CADPS: variants seen among roughly 807,000 people sequenced by gnomAD.
The protein encoded by CADPS is calcium-dependent secretion activator 1.
A neutral mutation model predicts 167.3 loss-of-function variants in CADPS; 57 were observed. The ratio of observed to expected loss-of-function variants is 0.34; its 90% confidence interval spans 0.28 to 0.42. The LOEUF (loss-of-function observed/expected upper bound fraction) is 0.42. Among genes scored for constraint, CADPS ranks in the 20% least tolerant of loss-of-function variants. The probability of loss-of-function intolerance (pLI) is 1.00; values close to 1 mark genes in which losing one functional copy is unlikely to be tolerated. For missense variants in CADPS, 1,414 were observed against 1,738.1 expected (o/e 0.81, Z 3.32); for synonymous variants, 676 against 635.3 (o/e 1.06, Z -0.96).
intron 6 of CADPS, among the ~76,000 whole-genome samples, chr3:62,603,491 C>T (rs183394706): frequency 2.2e-4 from 34 of 152,288 alleles, no homozygotes; most frequent in Admixed American, 7.2e-4. Context: ...ATAATGTATA[C>T]CACACTTTAT....
intron 19 of CADPS, 138 bp downstream of exon 19, chr3:62,493,507 A>C (rs2064092043): frequency 3.4e-6 from 2 of 587,038 alleles, no homozygotes; most frequent in African/African-American, 3.9e-5. Flanking sequence ...ATTATGGAAA[A>C]ATTCCATAAA....
intron 21 of CADPS, among the ~76,000 whole-genome samples, chr3:62,484,618 C>T (rs144513106): frequency 6.6e-5 from 10 of 152,200 alleles, no homozygotes; most frequent in Middle Eastern, 6.8e-3. Flanking sequence ...AGTGCCCATC[C>T]GTGGATGGTT....
Position 62,763,056 on chromosome 3 carries a change from C to T in CADPS, c.555+2815G>A, listed in dbSNP as rs565865406. On this transcript the variant is annotated intron_variant, in intron 2 of 29. Coordinates refer to ENST00000383710, the MANE Select transcript of CADPS (RefSeq NM_003716.4). Reference sequence around the variant, plus strand: ...CCCGTTTTGGTAAAAAGCAGCCTAACGGTTTATTAAGAAACCATTACATTC... The same window carrying T: ...CCCGTTTTGGTAAAAAGCAGCCTAATGGTTTATTAAGAAACCATTACATTC... Among the ~76,000 whole-genome samples, 153 of 152,272 alleles carry T rather than the reference C, an allele frequency of 1.0e-3. 2 individuals carry two copies. The highest frequency in any genetic ancestry group is 3.4e-3 in the African/African-American group (141 of 41,554).
chr3:62,694,964 G>A (rs989684150), intron 3 of CADPS, among the ~76,000 whole-genome samples: 1 of 152,062 alleles, frequency 6.6e-6, no homozygotes, highest in Non-Finnish European at 1.5e-5. Flanking sequence ...GTGGAAGTGG[G>A]AAGGTCTGCT....
chr3:62,798,637 G>A (rs528911351), intron 1 of CADPS, among the ~76,000 whole-genome samples: 1 of 152,056 alleles, frequency 6.6e-6, no homozygotes, highest in South Asian at 2.1e-4. Flanking sequence ...CAAACAGGGA[G>A]ATGAATTTTC....
Position 62,466,404 on chromosome 3 carries a change from G to T in CADPS, c.3487C>A (p.His1163Asn). Residue 1163 changes from histidine to asparagine, a missense_variant, in exon 25 of 30, where the codon CAT becomes AAT. Physicochemically the swap from His to Asn is moderately conservative, Grantham distance 68. Around this residue, in one of 6 missense-constraint regions of CADPS, gnomAD observed 185 missense variants for 251.5 expected, o/e 0.74. Transcript: ENST00000383710. Reference sequence around the variant, plus strand: ...TCAATTAGTTCGTCTATTTTTGAATGGTATTGATGCTAAGAACACAGAAAG... The same window carrying T: ...TCAATTAGTTCGTCTATTTTTGAATTGTATTGATGCTAAGAACACAGAAAG... ...SMEMGQEHQY[H>N]SKIDELIEET... 6.2e-7 allele frequency: 1 copy of T among 1,603,474 alleles called. No individual in the cohort carries two copies. Among genetic ancestry groups the T allele is most frequent in the Non-Finnish European group, 8.5e-7 (1 of 1,170,816 alleles).
In CADPS at chr3:62,435,763, A is replaced by G. The variant is rs551831856; in HGVS notation, c.3777+2341T>C. 3.8e-4 allele frequency among the ~76,000 whole-genome samples: 58 copies of G among 152,024 alleles called. No individual in the cohort carries two copies. The South Asian group carries it at 0.011, about 28-fold the overall frequency. ...ATATACTCAGGAGGGTATAACTAAGACTCCGTTGGGAAAACCAAATTGGGA... is the reference window on the plus strand; with the variant it reads ...ATATACTCAGGAGGGTATAACTAAGGCTCCGTTGGGAAAACCAAATTGGGA... On this transcript the variant is annotated intron_variant, in intron 28 of 29. Coordinates refer to ENST00000383710, the MANE Select transcript of CADPS (RefSeq NM_003716.4).
chr3:62,859,291 AC>A (rs2080308862), intron 1 of CADPS, among the ~76,000 whole-genome samples: 1 of 152,194 alleles, frequency 6.6e-6, no homozygotes. Context: ...GCTGCAGCAG[AC>A]TTGTATTTCT....
At chr3:62,849,295 C>T (rs1164961692) in intron 1 of CADPS, among the ~76,000 whole-genome samples, 1 of 147,320 alleles carries the variant, frequency 6.8e-6, no homozygotes, top group Non-Finnish European at 1.5e-5. Context: ...TTGCCCTGGC[C>T]AGAACTTCCA....
chr3:62,463,678 A>C (rs2059632014), intron 26 of CADPS, among the ~76,000 whole-genome samples: 1 of 152,204 alleles, frequency 6.6e-6, no homozygotes, highest in Non-Finnish European at 1.5e-5. Flanking sequence ...GACCTCAGAC[A>C]AATCACTCCC....
intron 13 of CADPS, among the ~76,000 whole-genome samples, chr3:62,519,792 ATT>A (rs200056343): frequency 6.7e-6 from 1 of 148,160 alleles, no homozygotes; most frequent in African/African-American, 2.5e-5. Flanking sequence ...ACAAAAACAA[ATT>A]TTTTTTTTTT....
chr3:62,654,991 C>T (rs1371336191), intron 4 of CADPS, among the ~76,000 whole-genome samples: 1 of 152,048 alleles, frequency 6.6e-6, no homozygotes, highest in African/African-American at 2.4e-5. Context: ...TTTTAGGAGG[C>T]CCGGTGGTTA....
intron 1 of CADPS, among the ~76,000 whole-genome samples, chr3:62,815,843 A>G (rs1447813162): frequency 6.6e-6 from 1 of 152,086 alleles, no homozygotes; most frequent in Admixed American, 6.6e-5. Context: ...TCTCTTCTTC[A>G]AGCAAATTTA....
intron 3 of CADPS, among the ~76,000 whole-genome samples, chr3:62,697,139 G>C (rs1398743475): frequency 6.6e-6 from 1 of 152,032 alleles, no homozygotes; most frequent in Non-Finnish European, 1.5e-5. Context: ...CATAGGTTTT[G>C]GGGAACACGT....
intron 2 of CADPS, among the ~76,000 whole-genome samples, chr3:62,757,871 A>G (rs2084375644): frequency 6.6e-6 from 1 of 152,210 alleles, no homozygotes; most frequent in Non-Finnish European, 1.5e-5. Flanking sequence ...GCAAGAGAGC[A>G]TGTGCATGGG....
At chr3:62,531,945 T>C (rs2073787166) in intron 13 of CADPS, among the ~76,000 whole-genome samples, 1 of 152,114 alleles carries the variant, frequency 6.6e-6, no homozygotes, top group Admixed American at 6.5e-5. Context: ...TAGTACAGAG[T>C]CAGGAGACTT....
intron 10 of CADPS, among the ~76,000 whole-genome samples, chr3:62,552,692 G>A (rs1281991852): frequency 6.6e-6 from 1 of 152,154 alleles, no homozygotes; most frequent in Non-Finnish European, 1.5e-5. Context: ...AATTTATTGA[G>A]GTGTCTATGC....
At chr3:62,694,207 C>A (rs1031527809) in intron 3 of CADPS, among the ~76,000 whole-genome samples, 2 of 152,162 alleles carry the variant, frequency 1.3e-5, no homozygotes, top group Admixed American at 6.5e-5. Flanking sequence ...ATTAAGATAA[C>A]AATAACCTGG....
intron 3 of CADPS, among the ~76,000 whole-genome samples, chr3:62,713,991 C>T (rs757797718): frequency 8.5e-5 from 13 of 152,130 alleles, no homozygotes; most frequent in Non-Finnish European, 1.5e-4. Context: ...TCCAATACCT[C>T]GACCTTTGGT....
Sources: gnomAD v4.1 joint callset for allele counts (sites outside exome capture counted in the v4.1 genomes callset) on GRCh38, gnomAD v4.1.1 for gene constraint, gnomAD v4.1.1 regional missense constraint, MANE v1.5 for transcripts, NCBI Gene and HGNC (gene_info 2026-07-23, HGNC 2026-07-21) for gene names.